The following CREB3L2 variants were observed in gnomAD, a reference collection of about 807,000 sequenced individuals.
The protein encoded by CREB3L2 is cAMP responsive element binding protein 3 like 2.
CREB3L2 carries 23 observed loss-of-function variants against 57.2 expected under a neutral mutation model. The observed-to-expected ratio is 0.40, with a 90% confidence interval of 0.29 to 0.57. CREB3L2 has a LOEUF of 0.57. CREB3L2 is among the 20% of genes least tolerant of loss of function. CREB3L2 has a pLI of 0.42. For missense variants in CREB3L2, 628 were observed against 634.7 expected (o/e 0.99, Z 0.11); for synonymous variants, 268 against 265.1 (o/e 1.01, Z -0.11).
At chr7:137,905,918 T>C (rs936823105) in intron 5 of CREB3L2, 70 bp from the exon 6 acceptor site, 2 of 1,406,574 alleles carry the variant, frequency 1.4e-6, no homozygotes, top group East Asian at 2.3e-5. Flanking sequence ...CACCTCCCAA[T>C]GGGATGATGA....
rs1354416611 is a variant in CREB3L2 at position 138,001,138 on chromosome 7, A to T, written c.102+466T>A. Among the ~76,000 whole-genome samples the T allele has an allele frequency of 6.8e-6, 1 of 147,040 alleles. No individual in the cohort carries two copies. The highest frequency in any genetic ancestry group is 1.5e-5 in the Non-Finnish European group (1 of 66,232). ...ACACACACACACACGTGTACTTTTT[A>T]AAATATAAATATGAAAGAAGAGGAA... On this transcript the variant is annotated intron_variant, in intron 1 of 11. Transcript: ENST00000330387. This position sits in a 1 kb window ranked among gnomAD's most constrained non-coding sequence, Gnocchi z 4.2.
In CREB3L2 at chr7:137,876,412, T is replaced by C. The variant is rs1468656911; in HGVS notation, c.*4064A>G. ...AGAGAGAAGTATAAGCATTTGGGTC[T>C]TTTGAATAACTATTATTAATGTTTC... On this transcript the variant is annotated 3_prime_UTR_variant, in exon 12 of 12. Transcript: ENST00000330387. 4.3e-6 allele frequency: 1 copy of C among 232,772 alleles called. No individual in the cohort carries two copies. Among genetic ancestry groups the C allele is most frequent in the African/African-American group, 2.2e-5 (1 of 45,208 alleles). 14.4% of individuals were successfully genotyped at this position (232,772 alleles called of 1,614,324 possible).
At chr7:137,920,957 G>C (rs1800262122) in intron 2 of CREB3L2, among the ~76,000 whole-genome samples, 1 of 152,238 alleles carries the variant, frequency 6.6e-6, no homozygotes, top group Admixed American at 6.5e-5. Flanking sequence ...GAGTAGAGGA[G>C]AAGGAGCAGA....
intron 7 of CREB3L2, among the ~76,000 whole-genome samples, chr7:137,901,745 G>A (rs558431601): frequency 1.3e-5 from 2 of 151,662 alleles, no homozygotes; most frequent in South Asian, 2.1e-4. Context: ...TGGGCGTGGT[G>A]GCACGTGCCT....
intron 5 of CREB3L2, among the ~76,000 whole-genome samples, chr7:137,907,493 G>A (rs540483209): frequency 2.0e-5 from 3 of 152,338 alleles, no homozygotes; most frequent in South Asian, 4.1e-4. Flanking sequence ...TGCAGATCTA[G>A]AACTTTCAGG....
Position 137,975,005 on chromosome 7 carries a change from A to G in CREB3L2, c.102+26599T>C, listed in dbSNP as rs147975331. Among the ~76,000 whole-genome samples, 11 of 152,366 alleles carry G rather than the reference A, an allele frequency of 7.2e-5. No homozygotes were observed. The East Asian group carries it at 1.5e-3, about 21-fold the overall frequency. On this transcript the variant is annotated intron_variant, in intron 1 of 11. Coordinates refer to ENST00000330387, the MANE Select transcript of CREB3L2 (RefSeq NM_194071.4). ...GTGTTGCCCAAGAGACAGTTACAGA[A>G]TGAGAAGAAATGACATTTCAGCATC...
intron 9 of CREB3L2, 127 bp from the exon 10 acceptor site, chr7:137,885,248 A>G: frequency 8.1e-7 from 1 of 1,228,398 alleles, no homozygotes; most frequent in Non-Finnish European, 1.1e-6. Flanking sequence ...CACCAGTCAC[A>G]TCACCAGAGT....
At chr7:137,928,404 A>C (rs774944255) in intron 1 of CREB3L2, 38 bp from the exon 2 acceptor site, 6 of 1,542,048 alleles carry the variant, frequency 3.9e-6, no homozygotes, top group South Asian at 1.1e-5. Context: ...AGTTTCTCTT[A>C]ACCATAATGT....
chr7:137,922,384 G>GTATATATATATATATATA (rs1175503933), intron 2 of CREB3L2, among the ~76,000 whole-genome samples: 9 of 19,572 alleles, frequency 4.6e-4, no homozygotes, highest in Admixed American at 8.0e-4. Flanking sequence ...ATATATATAT[G>GTATATATATATATATATA]TATATATATA....
rs936198175 is a variant in CREB3L2, at chr7:137,905,286, AAT to A, written c.915+414_915+415del. Among the ~76,000 whole-genome samples, 173 of 148,678 alleles carry A rather than the reference AAT, an allele frequency of 1.2e-3. 2 individuals carry two copies. The highest frequency in any genetic ancestry group is 7.3e-4 in the Non-Finnish European group (49 of 67,320). ...ATGTATTTGTATCTTATATATATATAATATATATATATGCTGTATTTTATATA... is the reference window on the plus strand; with the variant it reads ...ATGTATTTGTATCTTATATATATATAATATATATATGCTGTATTTTATATA... On this transcript the variant is annotated intron_variant, in intron 6 of 11. Coordinates refer to ENST00000330387, the MANE Select transcript of CREB3L2 (RefSeq NM_194071.4).
At chr7:137,889,682 A>G (rs569442083) in intron 8 of CREB3L2, among the ~76,000 whole-genome samples, 2 of 152,340 alleles carry the variant, frequency 1.3e-5, no homozygotes, top group South Asian at 4.1e-4. Flanking sequence ...CCCATCAATC[A>G]GCAACACTGA....
At chr7:137,893,627 G>A (rs1007020407) in intron 8 of CREB3L2, among the ~76,000 whole-genome samples, 1 of 152,084 alleles carries the variant, frequency 6.6e-6, no homozygotes. Flanking sequence ...CAGACCAGGA[G>A]AGCCAGAATC....
chr7:137,904,180 G>A (rs953579489), intron 6 of CREB3L2, among the ~76,000 whole-genome samples, 163 bp from the exon 7 acceptor site: 6 of 152,176 alleles, frequency 3.9e-5, no homozygotes, highest in South Asian at 4.1e-4. Context: ...CTGTCCTCCC[G>A]GGTTTCTAGC....
At position 137,885,460 on chromosome 7, in the gene CREB3L2, C is replaced by T. The variant is rs1378732496; in HGVS notation, c.1086G>A (p.Met362Ile). The change falls in exon 9 of 12, where the codon ATG becomes ATA. Residue 362 changes from methionine to isoleucine, a missense_variant. Physicochemically the swap from Met to Ile is conservative, Grantham distance 10. Around this residue, in one of 3 missense-constraint regions of CREB3L2, gnomAD observed 272 missense variants for 242.7 expected, o/e 1.12. Coordinates refer to ENST00000330387, the MANE Select transcript of CREB3L2 (RefSeq NM_194071.4). ...ACTTGCAGGTTCGAGAAACCTTGCC[C>T]ATCACCAAAGTCTGAAGCTTCTGGA... Reference protein sequence around the residue: ...QQLQKLQTLVMGKVSRTCKLA... With the variant: ...QQLQKLQTLVIGKVSRTCKLA... The T allele has an allele frequency of 6.2e-7, 1 of 1,614,128 alleles. No homozygotes were observed. The highest frequency in any genetic ancestry group is 1.3e-5 in the African/African-American group (1 of 75,042).
intron 1 of CREB3L2, among the ~76,000 whole-genome samples, chr7:137,929,704 T>C (rs1176133753): frequency 7.1e-6 from 1 of 140,030 alleles, no homozygotes; most frequent in East Asian, 2.1e-4. Flanking sequence ...TTACTAAATA[T>C]ACAAAAAAAA....
chr7:137,996,104 T>C (rs763229948), intron 1 of CREB3L2, among the ~76,000 whole-genome samples: 13 of 152,252 alleles, frequency 8.5e-5, no homozygotes, highest in Non-Finnish European at 1.5e-4. Context: ...TCCCCAAATA[T>C]TCGCCCACTA....
At chr7:137,888,460 C>A (rs1799471806) in intron 8 of CREB3L2, among the ~76,000 whole-genome samples, 1 of 152,100 alleles carries the variant, frequency 6.6e-6, no homozygotes. Context: ...AACAGCACAG[C>A]TGCCTTTTCC....
At position 137,928,428 on chromosome 7, in the gene CREB3L2, C is replaced by T. The variant is rs137978983; in HGVS notation, c.103-62G>A. 5.6e-4 allele frequency: 718 copies of T among 1,291,740 alleles called. 1 individual carries two copies. In the African/African-American group the frequency reaches 8.1e-3, roughly 15 times the overall value. The allele number at this position is 1,291,740 out of a possible 1,614,324, so 80.0% of individuals were successfully genotyped here. On this transcript the variant is annotated intron_variant, in intron 1 of 11. Transcript: ENST00000330387. ...TAACCATAATGTGACAGATACCCTA[C>T]GCACATACCAAATACCTCATCCACT...
At chr7:137,964,887 GT>G (rs1000899549) in intron 1 of CREB3L2, among the ~76,000 whole-genome samples, 1 of 152,052 alleles carries the variant, frequency 6.6e-6, no homozygotes, top group Non-Finnish European at 1.5e-5. Context: ...AGATCTGATG[GT>G]TTTATAAGGG....
Sources: gnomAD v4.1 joint callset for allele counts (sites outside exome capture counted in the v4.1 genomes callset) on GRCh38, gnomAD v4.1.1 for gene constraint, gnomAD v4.1.1 regional missense constraint, Gnocchi (gnomAD v3.1) non-coding constraint, MANE v1.5 for transcripts, NCBI Gene and HGNC (gene_info 2026-07-23, HGNC 2026-07-21) for gene names.